ZNF407: variants seen among roughly 807,000 people sequenced by gnomAD.
ZNF407 encodes zinc finger protein 407.
A neutral mutation model predicts 131.2 loss-of-function variants in ZNF407; 17 were observed. That is an observed-to-expected ratio of 0.13 (90% CI 0.09 to 0.19). The LOEUF (loss-of-function observed/expected upper bound fraction) is 0.19. Among genes scored for constraint, ZNF407 ranks in the 10% least tolerant of loss-of-function variants. The probability of loss-of-function intolerance (pLI) is 1.00; values close to 1 mark genes in which losing one functional copy is unlikely to be tolerated. For synonymous variants in ZNF407, 1,156 were observed against 1,062.0 expected (o/e 1.09, Z -1.72); for missense variants, 2,681 against 2,830.6 (o/e 0.95, Z 1.20).
At chr18:74,959,650 C>G (rs777533627) in intron 8 of ZNF407, among the ~76,000 whole-genome samples, 1 of 152,180 alleles carries the variant, frequency 6.6e-6, no homozygotes, top group Non-Finnish European at 1.5e-5. Flanking sequence ...CTTTGTTATC[C>G]TTCCAGGCAA....
intron 8 of ZNF407, among the ~76,000 whole-genome samples, chr18:75,035,312 A>T (rs1297281126): frequency 6.6e-6 from 1 of 152,240 alleles, no homozygotes; most frequent in Admixed American, 6.5e-5. Flanking sequence ...GCTTCTTTTA[A>T]CAATTATGAG....
At chr18:74,630,471 G>A (rs990431781) in intron 1 of ZNF407, among the ~76,000 whole-genome samples, 8 of 152,252 alleles carry the variant, frequency 5.3e-5, no homozygotes, top group Admixed American at 2.0e-4. Context: ...ACGCCTGGCC[G>A]AAACAGTTGT....
chr18:74,947,776 G>T (rs1166095347), intron 8 of ZNF407, among the ~76,000 whole-genome samples: 1 of 152,198 alleles, frequency 6.6e-6, no homozygotes, highest in African/African-American at 2.4e-5. Context: ...TTCCTTCAAT[G>T]AAAGTGAAGC....
chr18:74,854,030 A>T (rs1221382074), intron 4 of ZNF407, among the ~76,000 whole-genome samples: 10 of 152,172 alleles, frequency 6.6e-5, no homozygotes, highest in Non-Finnish European at 7.3e-5. Context: ...TACCTGTCAC[A>T]TATATAATGG....
At chr18:74,951,000 T>C (rs989502177) in intron 8 of ZNF407, among the ~76,000 whole-genome samples, 2 of 144,244 alleles carry the variant, frequency 1.4e-5, no homozygotes, top group Admixed American at 1.4e-4. Context: ...CAGATGCAAC[T>C]TTTTTTTTCC....
intron 4 of ZNF407, among the ~76,000 whole-genome samples, chr18:74,794,434 A>G (rs1438300748): frequency 2.0e-5 from 3 of 151,474 alleles, no homozygotes; most frequent in African/African-American, 4.9e-5. Flanking sequence ...TTTCAGAAAT[A>G]CTACTTTACC....
At chr18:74,992,169 G>A (rs1229055177) in intron 8 of ZNF407, among the ~76,000 whole-genome samples, 4 of 152,180 alleles carry the variant, frequency 2.6e-5, no homozygotes, top group Admixed American at 2.6e-4. Context: ...GCAAAACGAG[G>A]AGTCTTGGCC....
chr18:74,767,649 CTTTTTTTTTTT>C (rs71905017), intron 3 of ZNF407, among the ~76,000 whole-genome samples: 16 of 84,418 alleles, frequency 1.9e-4, no homozygotes, highest in African/African-American at 7.3e-4. Context: ...TCTGAATTCT[CTTTTTTTTTTT>C]TTTTTTTTTT....
chr18:74,936,273 A>T (rs760315746), intron 8 of ZNF407, among the ~76,000 whole-genome samples: 1 of 152,182 alleles, frequency 6.6e-6, no homozygotes, highest in Non-Finnish European at 1.5e-5. Flanking sequence ...AGGCATTAAG[A>T]TGTCAAGATA....
intron 3 of ZNF407, among the ~76,000 whole-genome samples, chr18:74,664,277 A>C (rs1189488713): frequency 6.6e-6 from 1 of 152,202 alleles, no homozygotes; most frequent in Non-Finnish European, 1.5e-5. Flanking sequence ...AGGCGAGTGG[A>C]TCACCTGAGG....
intron 2 of ZNF407, among the ~76,000 whole-genome samples, chr18:74,637,338 A>C (rs936367058): frequency 4.6e-5 from 7 of 152,244 alleles, no homozygotes; most frequent in Non-Finnish European, 7.3e-5. Context: ...GGTTAAGTGC[A>C]GAATGTAGTC....
At chr18:74,816,289 A>C (rs1970266618) in intron 4 of ZNF407, among the ~76,000 whole-genome samples, 1 of 152,180 alleles carries the variant, frequency 6.6e-6, no homozygotes, top group African/African-American at 2.4e-5. Flanking sequence ...GAAAGAGCTG[A>C]GTGGAATTTT....
intron 3 of ZNF407, among the ~76,000 whole-genome samples, chr18:74,667,127 C>T (rs1985961156): frequency 6.6e-6 from 1 of 152,158 alleles, no homozygotes; most frequent in Admixed American, 6.5e-5. Context: ...ACTGTTTCTG[C>T]ACCCTCTACC....
chr18:75,001,394 TA>T (rs1599287472), intron 8 of ZNF407, among the ~76,000 whole-genome samples: 1 of 152,198 alleles, frequency 6.6e-6, no homozygotes, highest in South Asian at 2.1e-4. Context: ...CGATATCTAT[TA>T]GGGGGAGAAG....
At position 74,672,164 on chromosome 18, in the gene ZNF407, C is replaced by G. The variant is rs559382436; in HGVS notation, c.4802+31042C>G. Among the ~76,000 whole-genome samples, 275 of 152,326 alleles carry G rather than the reference C, an allele frequency of 1.8e-3. 3 individuals are homozygous for G. Among genetic ancestry groups the G allele is most frequent in the African/African-American group, 6.3e-3 (264 of 41,580 alleles). ...TCCACAATGGTTGAACTAACTCACA[C>G]TCCCAACAGTGTATAAGTATTCCTT... On this transcript the variant is annotated intron_variant, in intron 3 of 8. Transcript: ENST00000299687.
At chr18:74,988,968 T>A (rs1972686348) in intron 8 of ZNF407, among the ~76,000 whole-genome samples, 1 of 152,176 alleles carries the variant, frequency 6.6e-6, no homozygotes, top group African/African-American at 2.4e-5. Flanking sequence ...GCCATCCGAC[T>A]CCTAGGTTTT....
chr18:74,828,137 C>T (rs1053353593), intron 4 of ZNF407, among the ~76,000 whole-genome samples: 2 of 152,118 alleles, frequency 1.3e-5, no homozygotes, highest in African/African-American at 4.8e-5. Context: ...TTCAGGTTGG[C>T]TTTGTTGATT....
At chr18:74,641,151 G>C in intron 3 of ZNF407, 29 bp downstream of exon 3, 2 of 1,543,554 alleles carry the variant, frequency 1.3e-6, no homozygotes, top group Non-Finnish European at 1.8e-6. Flanking sequence ...TCTCTGCTGC[G>C]TGAACCAGGA....
At chr18:74,925,202 C>T (rs1450664207) in intron 8 of ZNF407, among the ~76,000 whole-genome samples, 1 of 152,124 alleles carries the variant, frequency 6.6e-6, no homozygotes, top group African/African-American at 2.4e-5. Flanking sequence ...AAGACTTGGT[C>T]ATATACGTAT....
Sources: gnomAD v4.1 joint callset for allele counts (sites outside exome capture counted in the v4.1 genomes callset) on GRCh38, gnomAD v4.1.1 for gene constraint, MANE v1.5 for transcripts, NCBI Gene and HGNC (gene_info 2026-07-23, HGNC 2026-07-21) for gene names.